The following ZFHX3 variants were observed in gnomAD, a reference collection of about 807,000 sequenced individuals.
ZFHX3 encodes the protein zinc finger homeobox protein 3.
In ZFHX3, 42 loss-of-function variants were observed where a neutral mutation model predicts 279.1. The observed-to-expected ratio is 0.15, with a 90% CI of 0.12 to 0.19. ZFHX3 has a LOEUF of 0.19. Ranked by LOEUF, ZFHX3 falls within the 10% of genes least tolerant of loss-of-function variation. The probability of loss-of-function intolerance (pLI) is 1.00; values close to 1 mark genes in which losing one functional copy is unlikely to be tolerated. For missense variants in ZFHX3, 4,981 were observed against 4,754.0 expected (o/e 1.05, Z -1.40); for synonymous variants, 2,293 against 1,957.8 (o/e 1.17, Z -4.52).
chr16:73,342,482 A>G (rs577764730), intron 3 of ZFHX3, among the ~76,000 whole-genome samples: 1 of 152,332 alleles, frequency 6.6e-6, no homozygotes, highest in East Asian at 1.9e-4. Context: ...GTGCGGTACT[A>G]TTCGGCTGGA....
At chr16:73,544,900 A>C (rs958315411) in intron 2 of ZFHX3, among the ~76,000 whole-genome samples, 2 of 152,196 alleles carry the variant, frequency 1.3e-5, no homozygotes, top group Non-Finnish European at 2.9e-5. Flanking sequence ...GAATAAAAAG[A>C]TACTAAAGTG....
intron 4 of ZFHX3, among the ~76,000 whole-genome samples, chr16:72,854,040 G>C (rs144796726): frequency 6.6e-6 from 1 of 152,298 alleles, no homozygotes; most frequent in Non-Finnish European, 1.5e-5. Flanking sequence ...TATGCAGCAG[G>C]GACAGTGTGC....
chr16:73,574,172 A>T (rs1231359628), intron 2 of ZFHX3, among the ~76,000 whole-genome samples: 1 of 152,194 alleles, frequency 6.6e-6, no homozygotes, highest in African/African-American at 2.4e-5. Context: ...CTGATTTCAT[A>T]TGTTGATGCA....
intron 1 of ZFHX3, among the ~76,000 whole-genome samples, chr16:73,804,599 A>G (rs1186047533): frequency 1.3e-5 from 2 of 152,112 alleles, no homozygotes; most frequent in Non-Finnish European, 2.9e-5. Flanking sequence ...AACTCATTTG[A>G]TATAATTTAC....
At chr16:73,007,218 T>C (rs1210221521) in intron 1 of ZFHX3, among the ~76,000 whole-genome samples, 2 of 152,248 alleles carry the variant, frequency 1.3e-5, no homozygotes, top group Non-Finnish European at 2.9e-5. Context: ...TCTGGCATTT[T>C]TGCATCTCCA....
chr16:73,518,226 A>G (rs1307361281), intron 2 of ZFHX3, among the ~76,000 whole-genome samples: 1 of 152,230 alleles, frequency 6.6e-6, no homozygotes, highest in Non-Finnish European at 1.5e-5. Flanking sequence ...CACTGAGATC[A>G]TCGCCTTCTT....
At chr16:73,400,310 T>A (rs139733631) in intron 3 of ZFHX3, 1 of 152,234 alleles carries the variant, frequency 6.6e-6, no homozygotes, top group Non-Finnish European at 1.5e-5. Flanking sequence ...ATTTTGTTTG[T>A]GCACATGTAT....
chr16:73,619,301 A>T (rs137905694), intron 2 of ZFHX3, among the ~76,000 whole-genome samples: 143 of 151,970 alleles, frequency 9.4e-4, no homozygotes, highest in African/African-American at 3.3e-3. Flanking sequence ...ATCCTGGCTA[A>T]CACGGTGAAA....
At chr16:73,305,999 C>A (rs1046798941) in intron 4 of ZFHX3, among the ~76,000 whole-genome samples, 1 of 152,170 alleles carries the variant, frequency 6.6e-6, no homozygotes, top group Non-Finnish European at 1.5e-5. Context: ...TCTTCAAATG[C>A]GGATTCTGGC....
At chr16:73,725,429 A>T (rs1244767832) in intron 1 of ZFHX3, among the ~76,000 whole-genome samples, 1 of 152,136 alleles carries the variant, frequency 6.6e-6, no homozygotes, top group Non-Finnish European at 1.5e-5. Flanking sequence ...GGAGATGATA[A>T]GCTTGGAGCC....
intron 2 of ZFHX3, among the ~76,000 whole-genome samples, chr16:73,457,971 G>A (rs866457787): frequency 6.6e-6 from 1 of 152,082 alleles, no homozygotes; most frequent in Non-Finnish European, 1.5e-5. Flanking sequence ...TTAAGCTCAG[G>A]TGTTTAACAG....
At chr16:73,641,085 C>T (rs1397614757) in intron 2 of ZFHX3, among the ~76,000 whole-genome samples, 2 of 152,190 alleles carry the variant, frequency 1.3e-5, no homozygotes, top group Non-Finnish European at 2.9e-5. Flanking sequence ...TACAATTCTA[C>T]ACCCACAGTA....
chr16:73,744,855 G>T (rs1364166315), intron 1 of ZFHX3, among the ~76,000 whole-genome samples: 2 of 152,140 alleles, frequency 1.3e-5, no homozygotes, highest in Admixed American at 6.6e-5. Flanking sequence ...AAATAGTGCA[G>T]CAGGAACCCA....
intron 4 of ZFHX3, among the ~76,000 whole-genome samples, chr16:73,314,982 C>T (rs894852829): frequency 2.0e-5 from 3 of 152,148 alleles, no homozygotes; most frequent in African/African-American, 4.8e-5. Flanking sequence ...AATTCCAGCA[C>T]TTTGGGAGGC....
At chr16:73,442,424 T>A (rs752220960) in intron 3 of ZFHX3, among the ~76,000 whole-genome samples, 7 of 151,890 alleles carry the variant, frequency 4.6e-5, no homozygotes, top group Non-Finnish European at 8.8e-5. Flanking sequence ...TGTAGCACGA[T>A]CATAGCTCAC....
chr16:72,910,121 A>T (rs1402633259), intron 3 of ZFHX3, among the ~76,000 whole-genome samples: 1 of 152,174 alleles, frequency 6.6e-6, no homozygotes, highest in Admixed American at 6.5e-5. Flanking sequence ...AATCAAGGTA[A>T]ATACCACCAC....
intron 3 of ZFHX3, among the ~76,000 whole-genome samples, chr16:73,445,877 G>A (rs890122708): frequency 6.6e-6 from 1 of 152,192 alleles, no homozygotes; most frequent in Admixed American, 6.5e-5. Flanking sequence ...TGAGGTGTGA[G>A]TTCTACACTC....
In ZFHX3 at chr16:72,950,804, G is replaced by A; in HGVS notation, c.2881C>T (p.Leu961=). 1 of 1,614,190 alleles carries A rather than the reference G, an allele frequency of 6.2e-7. No individual in the cohort carries two copies. The highest frequency in any genetic ancestry group is 1.1e-5 in the South Asian group (1 of 91,088). Residue 961 remains leucine (L), a synonymous_variant, in exon 3 of 10, where the codon CTG becomes TTG. Coordinates refer to ENST00000268489, the MANE Select transcript of ZFHX3 (RefSeq NM_006885.4). The stretch of plus-strand genomic sequence containing the variant: ...CGCTCCACGTTCATGTGCAGGCCCA[G>A]CATGTCCAGGTTGTCCGTCGTGAAC... ...NKFTTDNLDM[L]GLHMNVERSL...
At chr16:73,523,621 GTTT>G (rs3087040) in intron 2 of ZFHX3, among the ~76,000 whole-genome samples, 9,389 of 144,146 alleles carry the variant, frequency 0.065, 671 homozygotes, top group East Asian at 0.33. Context: ...TGGAAGCTGG[GTTT>G]TTTTTTTTTT....
Sources: allele counts gnomAD v4.1 joint callset (sites outside exome capture counted in the v4.1 genomes callset), GRCh38; gene constraint gnomAD v4.1.1; transcripts MANE v1.5; gene names NCBI Gene and HGNC (gene_info 2026-07-23, HGNC 2026-07-21).